The following COX7A2L variants were observed in gnomAD, a reference collection of about 807,000 sequenced individuals.
COX7A2L encodes cytochrome c oxidase subunit 7A2-like, mitochondrial.
A neutral mutation model predicts 14.2 loss-of-function variants in COX7A2L; 18 were observed. The ratio of observed to expected loss-of-function variants is 1.27; its 90% CI spans 0.88 to 1.88. COX7A2L has a LOEUF of 1.88. Among genes scored for constraint, COX7A2L ranks in the 40% most tolerant of loss-of-function variants. The pLI is 0.00. For missense variants in COX7A2L, 179 were observed against 138.8 expected (o/e 1.29, Z -1.46); for synonymous variants, 65 against 57.4 (o/e 1.13, Z -0.60).
intron 2 of COX7A2L, among the ~76,000 whole-genome samples, chr2:42,340,970 G>A (rs72798537): frequency 0.053 from 8,090 of 152,266 alleles, 292 homozygotes; most frequent in Non-Finnish European, 0.082. Flanking sequence ...CAAAGAAAGC[G>A]AGCTCACCTC....
chr2:42,341,790 T>C lies in COX7A2L; in HGVS notation c.193-7921A>G, dbSNP rs555290280. Among the ~76,000 whole-genome samples the C allele has an allele frequency of 1.3e-3, 196 of 152,340 alleles. 1 individual carries two copies. The highest frequency in any genetic ancestry group is 4.2e-3 in the African/African-American group (176 of 41,572). ...GTTCATGAAAGATTAATGGAATTCA[T>C]GTTTTGGAGATGCTGAATGCAACAC... On this transcript the variant is annotated intron_variant, in intron 2 of 2. Transcript: ENST00000468711.
chr2:42,347,300 C>A (rs1430476673), downstream of COX7A2L, among the ~76,000 whole-genome samples: 1 of 139,976 alleles, frequency 7.1e-6, no homozygotes, highest in South Asian at 2.3e-4. Context: ...GGAATGTAAA[C>A]CAGCACCTTT....
At position 42,349,650 on chromosome 2, in the gene COX7A2L, T is replaced by G. The variant is rs976251396; in HGVS notation, c.*1569A>C. ...CTGTTATTTTTTAAAAACACAACTA[T>G]GAAGAACTCATTATTAGAACACCTG... On this transcript the variant is annotated 3_prime_UTR_variant, in exon 3 of 3. Coordinates refer to ENST00000234301, the MANE Select transcript of COX7A2L (RefSeq NM_004718.4). 1 of 152,190 alleles carries G rather than the reference T, an allele frequency of 6.6e-6. No individual in the cohort carries two copies. The highest frequency in any genetic ancestry group is 2.4e-5 in the African/African-American group (1 of 41,438). The allele number at this position is 152,190 out of a possible 1,614,324, so 9.4% of individuals were successfully genotyped here. A position where few individuals can be genotyped will look rare whatever the true frequency, so the allele number is the denominator to read the frequency against.
chr2:42,366,484 A>C (rs573310205), intron 1 of COX7A2L, among the ~76,000 whole-genome samples: 2 of 152,182 alleles, frequency 1.3e-5, no homozygotes, highest in South Asian at 4.1e-4. Context: ...CCAGATTCCA[A>C]CCCTGCACTA....
intron 1 of COX7A2L, among the ~76,000 whole-genome samples, chr2:42,354,080 G>A (rs1400457431): frequency 3.3e-5 from 5 of 152,150 alleles, no homozygotes; most frequent in South Asian, 2.1e-4. Flanking sequence ...GCTTCAGGTG[G>A]GGGCTTGGGG....
At chr2:42,358,216 T>C (rs1670892364) in intron 1 of COX7A2L, among the ~76,000 whole-genome samples, 2 of 152,354 alleles carry the variant, frequency 1.3e-5, no homozygotes, top group Non-Finnish European at 1.5e-5. Context: ...TCATTGTGGT[T>C]GTGATTTGCT....
downstream of COX7A2L, among the ~76,000 whole-genome samples, chr2:42,347,626 A>G (rs1670523946): frequency 6.6e-6 from 1 of 152,188 alleles, no homozygotes; most frequent in South Asian, 2.1e-4. Flanking sequence ...TAAAACAGGC[A>G]AAGAAAATGC....
At position 42,338,363 on chromosome 2, in the gene COX7A2L, G is replaced by A. The variant is rs909702821; in HGVS notation, c.193-4494C>T. ...TCAGAATTAATCAAATGGAAAGGAA[G>A]AGCAGAATTTCACTCTCTAGCAGAG... On this transcript the variant is annotated intron_variant, in intron 2 of 2. Coordinates refer to the COX7A2L transcript ENST00000468711. The surrounding 1 kb of genome is among the most constrained non-coding windows in gnomAD (Gnocchi z 4.4). Among the ~76,000 whole-genome samples, 1 of 152,178 alleles carries A rather than the reference G, an allele frequency of 6.6e-6. No homozygotes were observed. The highest frequency in any genetic ancestry group is 1.5e-5 in the Non-Finnish European group (1 of 68,044).
chr2:42,340,635 C>T (rs760675406), intron 2 of COX7A2L, among the ~76,000 whole-genome samples: 15 of 152,280 alleles, frequency 9.9e-5, no homozygotes, highest in Non-Finnish European at 2.2e-4. Context: ...CCGAGATGCC[C>T]TCACACCTCA....
intron 1 of COX7A2L, chr2:42,368,789 T>A (rs573813225): frequency 6.6e-6 from 1 of 152,322 alleles, no homozygotes; most frequent in South Asian, 2.1e-4. Context: ...TTTTGCCAAA[T>A]CTTATCAATC....
Position 42,338,538 on chromosome 2 carries a change from TTTGCCAGGC to T in COX7A2L, c.193-4678_193-4670del, listed in dbSNP as rs972660502. On this transcript the variant is annotated intron_variant, in intron 2 of 2. Coordinates refer to the COX7A2L transcript ENST00000468711. The surrounding 1 kb of genome is among the most constrained non-coding windows in gnomAD (Gnocchi z 4.4). ...CTCACCAGAATCATTAGCAGAAACG[TTTGCCAGGC>T]TTGGACATTTCCATGGAGAAGATGA... 6.6e-6 allele frequency among the ~76,000 whole-genome samples: 1 copy of T among 152,048 alleles called. No homozygotes were observed. The highest frequency in any genetic ancestry group is 2.4e-5 in the African/African-American group (1 of 41,370).
chr2:42,350,032 G>GA lies in COX7A2L; in HGVS notation c.*1186dup, dbSNP rs1255698143. On this transcript the variant is annotated 3_prime_UTR_variant, in exon 3 of 3. Transcript: ENST00000234301. Reference sequence around the variant, plus strand: ...AAATTTTCAAAATAAAAACTTGGAGGAAATACCAGAGAATAAAATTTAGAT... The same window carrying GA: ...AAATTTTCAAAATAAAAACTTGGAGGAAAATACCAGAGAATAAAATTTAGAT... The GA allele has an allele frequency of 6.6e-6, 1 of 151,216 alleles. No homozygotes were observed. The highest frequency in any genetic ancestry group is 2.4e-5 in the African/African-American group (1 of 41,020). 9.4% of individuals were successfully genotyped at this position (151,216 alleles called of 1,614,324 possible). A position where few individuals can be genotyped will look rare whatever the true frequency, so the allele number is the denominator to read the frequency against.
chr2:42,364,426 C>T (rs117653169), upstream of COX7A2L, among the ~76,000 whole-genome samples: 195 of 152,166 alleles, frequency 1.3e-3, 1 homozygote, highest in East Asian at 0.033. Context: ...TGAAGTGTTA[C>T]CTTTTCCATT....
At chr2:42,358,742 T>G (rs1341078576) in intron 1 of COX7A2L, among the ~76,000 whole-genome samples, 1 of 152,228 alleles carries the variant, frequency 6.6e-6, no homozygotes, top group Non-Finnish European at 1.5e-5. Context: ...TAATCTCTGC[T>G]GAGCGCCCAT....
chr2:42,340,818 G>A (rs982090826), intron 2 of COX7A2L, among the ~76,000 whole-genome samples: 2 of 152,200 alleles, frequency 1.3e-5, no homozygotes, highest in African/African-American at 4.8e-5. Context: ...CTGCAAGCAC[G>A]GGAGGCCAGG....
downstream of COX7A2L, among the ~76,000 whole-genome samples, chr2:42,347,307 CTTT>C (rs10718452): frequency 5.4e-4 from 73 of 135,032 alleles, 1 homozygote; most frequent in Non-Finnish European, 6.0e-4. Context: ...AAACCAGCAC[CTTT>C]TTTTTTTTTT....
At chr2:42,358,716 C>G (rs1425739919) in intron 1 of COX7A2L, among the ~76,000 whole-genome samples, 5 of 152,216 alleles carry the variant, frequency 3.3e-5, no homozygotes, top group Non-Finnish European at 1.5e-5. Context: ...CTATCTATAT[C>G]AAACTCATCG....
At chr2:42,359,536 C>T (rs1670948291) in intron 1 of COX7A2L, 1 of 152,184 alleles carries the variant, frequency 6.6e-6, no homozygotes, top group African/African-American at 2.4e-5. Flanking sequence ...AAGTGCAACA[C>T]TGCTGACTAT....
At position 42,351,234 on chromosome 2, in the gene COX7A2L, C is replaced by T; in HGVS notation, c.330G>A (p.Gln110=). The part of the protein sequence containing the change: ...YCLIALYMAS[Q]PKNK ...GCAGCCTAACTCATTTGTTTTTGGG[C>T]TGCGAAGCCATGTAGAGGGCGATCA... Residue 110 remains glutamine, a synonymous_variant, in exon 3 of 3, where the codon CAG becomes CAA. Transcript: ENST00000234301. The T allele has an allele frequency of 6.2e-7, 1 of 1,613,774 alleles. No individual in the cohort carries two copies. Among genetic ancestry groups the T allele is most frequent in the South Asian group, 1.1e-5 (1 of 91,008 alleles).
Sources: gnomAD v4.1 joint callset for allele counts (sites outside exome capture counted in the v4.1 genomes callset) on GRCh38, gnomAD v4.1.1 for gene constraint, Gnocchi (gnomAD v3.1) non-coding constraint, MANE v1.5 for transcripts, NCBI Gene and HGNC (gene_info 2026-07-23, HGNC 2026-07-21) for gene names.